SHPRH: variants seen among roughly 807,000 people sequenced by gnomAD.
SHPRH encodes the protein SNF2 histone linker PHD RING helicase, also known as E3 ubiquitin-protein ligase SHPRH.
A neutral mutation model predicts 202.5 loss-of-function variants in SHPRH; 106 were observed. The ratio of observed to expected loss-of-function variants is 0.52; its 90% CI spans 0.45 to 0.62. The LOEUF is 0.62. SHPRH is among the 20% of genes least tolerant of loss of function. The pLI is 0.00. For missense variants in SHPRH, 1,710 were observed against 2,020.0 expected (o/e 0.85, Z 2.94); for synonymous variants, 729 against 686.0 (o/e 1.06, Z -0.98).
At chr6:145,923,906 CT>C in intron 17 of SHPRH, 121 bp from the exon 18 acceptor site, 2 of 980,174 alleles carry the variant, frequency 2.0e-6, no homozygotes, top group East Asian at 5.2e-5. Flanking sequence ...CTCAAAGGGA[CT>C]ATCACAGAGG....
chr6:145,952,543 A>G, intron 2 of SHPRH, 65 bp from the exon 3 acceptor site: 2 of 1,461,102 alleles, frequency 1.4e-6, no homozygotes, highest in South Asian at 2.9e-5. Context: ...ATGAGGACAT[A>G]AGCAAGAAAA....
chr6:145,922,434 A>G (rs1340225847), intron 19 of SHPRH, 86 bp from the exon 20 acceptor site: 34 of 1,436,248 alleles, frequency 2.4e-5, no homozygotes, highest in Non-Finnish European at 2.9e-5. Context: ...TTTTGACTTC[A>G]TTTTTCTTTC....
chr6:145,933,036 G>T, intron 14 of SHPRH, 21 bp downstream of exon 14: 2 of 1,609,394 alleles, frequency 1.2e-6, no homozygotes. Flanking sequence ...AAGAATCAGA[G>T]ATAAAGCAAT....
intron 15 of SHPRH, 46 bp from the exon 16 acceptor site, chr6:145,926,342 A>C: frequency 6.6e-7 from 1 of 1,504,392 alleles, no homozygotes; most frequent in Non-Finnish European, 9.2e-7. Flanking sequence ...AATGCAGAAG[A>C]CTCTGAAGAG....
chr6:145,897,781 C>T (rs896989835), intron 25 of SHPRH, among the ~76,000 whole-genome samples: 6 of 152,208 alleles, frequency 3.9e-5, no homozygotes, highest in Non-Finnish European at 8.8e-5. Context: ...AAATGATCAT[C>T]TCAATATATG....
At chr6:145,922,961 A>C in intron 18 of SHPRH, 125 bp from the exon 19 acceptor site, 1 of 942,678 alleles carries the variant, frequency 1.1e-6, no homozygotes, top group Non-Finnish European at 1.5e-6. Context: ...TTTTTTTTTA[A>C]CAGCAACATT....
intron 25 of SHPRH, among the ~76,000 whole-genome samples, chr6:145,895,750 C>A (rs1237844007): frequency 6.6e-6 from 1 of 151,916 alleles, no homozygotes; most frequent in Non-Finnish European, 1.5e-5. Context: ...AATTTAAGTT[C>A]AACTCATAGT....
At chr6:145,931,229 T>C (rs1241573270) in intron 14 of SHPRH, among the ~76,000 whole-genome samples, 1 of 152,176 alleles carries the variant, frequency 6.6e-6, no homozygotes, top group Non-Finnish European at 1.5e-5. Flanking sequence ...CATTTCAGTT[T>C]ACGTGATCAC....
the SHPRH span, among the ~76,000 whole-genome samples, chr6:145,858,126 A>ATATTCAATAAATGTGTCACAG: frequency 6.6e-6 from 1 of 152,144 alleles, no homozygotes; most frequent in African/African-American, 2.4e-5. Flanking sequence ...TGGAAATTTA[A>ATATTCAATAAATGTGTCACAG]AACGGTATGG....
At chr6:145,953,957 G>T (rs1361968384) in intron 2 of SHPRH, among the ~76,000 whole-genome samples, 1 of 150,808 alleles carries the variant, frequency 6.6e-6, no homozygotes, top group Non-Finnish European at 1.5e-5. Context: ...TAGCAGAGGG[G>T]AATGATCTAA....
chr6:145,955,244 C>T lies in SHPRH; in HGVS notation c.79G>A (p.Glu27Lys). The T allele has an allele frequency of 3.1e-6, 5 of 1,613,184 alleles. No homozygotes were observed. Among genetic ancestry groups the T allele is most frequent in the Non-Finnish European group, 3.4e-6 (4 of 1,179,902 alleles). ...KRQQLHWNMHEDRRNEPIIIS... is the reference protein window; with the variant it reads ...KRQQLHWNMHKDRRNEPIIIS... ...ATGATAGGTTCATTCCTTCTGTCCT[C>T]ATGCATATTCCAATGAAGCTGCTGC... Residue 27 changes from glutamate (E) to lysine (K), a missense_variant, in exon 2 of 30, where the codon GAG (glutamate) becomes AAG (lysine). Coordinates refer to ENST00000275233, the MANE Select transcript of SHPRH (RefSeq NM_001042683.3).
At position 145,947,650 on chromosome 6, in the gene SHPRH, A is replaced by T; in HGVS notation, c.1062-7T>A. ...TGGGTACTCACGAATGATGCTGAGG[A>T]AAAAAACAAGATAAATCACATCATA... On this transcript the variant is annotated splice_region_variant and splice_polypyrimidine_tract_variant and intron_variant, in intron 5 of 29. Transcript: ENST00000275233. The T allele has an allele frequency of 6.2e-7, 1 of 1,611,314 alleles. No individual in the cohort carries two copies. Among genetic ancestry groups the T allele is most frequent in the Non-Finnish European group, 8.5e-7 (1 of 1,178,506 alleles).
intron 2 of SHPRH, among the ~76,000 whole-genome samples, chr6:145,953,262 G>T (rs557689751): frequency 1.3e-5 from 2 of 152,126 alleles, no homozygotes; most frequent in African/African-American, 4.8e-5. Flanking sequence ...AGAAATGAAT[G>T]ACAAAGAGTG....
downstream of SHPRH, among the ~76,000 whole-genome samples, chr6:145,880,968 CTTAT>C (rs908154540): frequency 2.8e-4 from 42 of 152,216 alleles, no homozygotes; most frequent in African/African-American, 5.8e-4. Flanking sequence ...GATCTCCAAA[CTTAT>C]TTAATTACAT....
At chr6:145,867,631 T>TATATATATATATATATAGAG (rs1554220329) in intron 2 of SHPRH, among the ~76,000 whole-genome samples, 2 of 22,316 alleles carry the variant, frequency 9.0e-5, no homozygotes, top group African/African-American at 2.2e-4. Context: ...TATATATATA[T>TATATATATATATATATAGAG]AGAGAGAGAG....
downstream of SHPRH, among the ~76,000 whole-genome samples, chr6:145,880,540 G>C (rs916896380): frequency 2.0e-5 from 3 of 151,434 alleles, no homozygotes; most frequent in Non-Finnish European, 4.4e-5. Context: ...GAGGTGGGAA[G>C]ATCACCAGAC....
rs776782528 is a variant in SHPRH, at chr6:145,935,085, G to A, written c.2812C>T (p.His938Tyr). 5 of 1,613,776 alleles carry A rather than the reference G, an allele frequency of 3.1e-6. No homozygotes were observed. The highest frequency in any genetic ancestry group is 1.1e-5 in the South Asian group (1 of 91,064). The change falls in exon 13 of 30, where the codon CAT (histidine) becomes TAT (tyrosine). Residue 938 changes from histidine to tyrosine, a missense_variant. Coordinates refer to ENST00000275233, the MANE Select transcript of SHPRH (RefSeq NM_001042683.3). ...PVERHFYHRQ[H>Y]EVCCQDVVVK... ...ACCACATCCTGGCAGCACACCTCATGCTGACGGTGATAGAAATGCCTTTCC... is the reference window on the plus strand; with the variant it reads ...ACCACATCCTGGCAGCACACCTCATACTGACGGTGATAGAAATGCCTTTCC...
intron 14 of SHPRH, among the ~76,000 whole-genome samples, chr6:145,929,811 T>G (rs4075696): frequency 6.6e-6 from 1 of 151,804 alleles, no homozygotes. Context: ...GGCCCTTTTC[T>G]ATTAGATATT....
chr6:145,880,176 A>G (rs1431730099), downstream of SHPRH, among the ~76,000 whole-genome samples: 3 of 152,136 alleles, frequency 2.0e-5, no homozygotes, highest in Admixed American at 6.6e-5. Flanking sequence ...AACATTCTAG[A>G]AACTTCATGA....
Sources: gnomAD v4.1 joint callset for allele counts (sites outside exome capture counted in the v4.1 genomes callset) on GRCh38, gnomAD v4.1.1 for gene constraint, MANE v1.5 for transcripts, NCBI Gene and HGNC (gene_info 2026-07-23, HGNC 2026-07-21) for gene names.